CPXM2: variants seen among roughly 807,000 people sequenced by gnomAD.
CPXM2 encodes carboxypeptidase X, M14 family member 2, also known as inactive carboxypeptidase-like protein X2.
CPXM2 carries 66 observed loss-of-function variants against 86.1 expected under a neutral mutation model. The observed-to-expected ratio is 0.77, with a 90% CI of 0.63 to 0.94. CPXM2 has a LOEUF of 0.94. Ranked by LOEUF, CPXM2 falls within the 40% of genes least tolerant of loss-of-function variation. The pLI, the probability that CPXM2 is intolerant of heterozygous loss-of-function variation, is 0.00. For missense variants in CPXM2, 948 were observed against 1,026.3 expected, an observed-to-expected ratio of 0.92 and a Z score of 1.04; for synonymous variants, 388 against 400.2, an observed-to-expected ratio of 0.97 and a Z score of 0.36.
chr10:123,747,317 G>C (rs144820592), intron 13 of CPXM2, among the ~76,000 whole-genome samples: 1 of 152,212 alleles, frequency 6.6e-6, no homozygotes, highest in East Asian at 1.9e-4. Context: ...AGCCATTCAT[G>C]ATGAACTTGA....
At chr10:123,932,929 C>A (rs746633329) in intron 2 of CPXM2, among the ~76,000 whole-genome samples, 2 of 152,176 alleles carry the variant, frequency 1.3e-5, no homozygotes, top group Non-Finnish European at 2.9e-5. Context: ...GCATTGTAAG[C>A]CATAACAACT....
At chr10:123,922,943 C>G (rs543009687) in intron 2 of CPXM2, among the ~76,000 whole-genome samples, 1 of 152,316 alleles carries the variant, frequency 6.6e-6, no homozygotes, top group East Asian at 1.9e-4. Context: ...ACACCTTAAA[C>G]GAGTGAACAG....
At chr10:123,766,467 A>T (rs2063529823) in intron 10 of CPXM2, among the ~76,000 whole-genome samples, 1 of 152,254 alleles carries the variant, frequency 6.6e-6, no homozygotes, top group African/African-American at 2.4e-5. Flanking sequence ...AAAGATAATA[A>T]GAGGTATGGG....
At chr10:123,797,949 G>T in intron 6 of CPXM2, 27 bp downstream of exon 6, 1 of 1,552,580 alleles carries the variant, frequency 6.4e-7, no homozygotes, top group Non-Finnish European at 8.7e-7. Flanking sequence ...CTCCCACCCT[G>T]CAGGAAGCAC....
intron 8 of CPXM2, among the ~76,000 whole-genome samples, chr10:123,769,248 C>T (rs2134004584): frequency 6.6e-6 from 1 of 152,128 alleles, no homozygotes. Flanking sequence ...ATGTATGTGT[C>T]CCCCCAAAAT....
At chr10:123,753,170 A>G (rs930632466) in intron 13 of CPXM2, among the ~76,000 whole-genome samples, 2 of 152,094 alleles carry the variant, frequency 1.3e-5, no homozygotes, top group Admixed American at 6.5e-5. Context: ...GAGGCGCCGC[A>G]GTGATGACCC....
At chr10:123,853,205 G>C in intron 3 of CPXM2, among the ~76,000 whole-genome samples, 1 of 152,174 alleles carries the variant, frequency 6.6e-6, no homozygotes, top group Non-Finnish European at 1.5e-5. Context: ...CGCCATGACT[G>C]TAAGTTTCCT....
intron 4 of CPXM2, among the ~76,000 whole-genome samples, chr10:123,818,973 G>A (rs926016202): frequency 3.3e-5 from 5 of 152,074 alleles, no homozygotes; most frequent in African/African-American, 4.8e-5. Context: ...CTGTTCCCAC[G>A]ACATTACGTT....
In CPXM2 at chr10:123,891,633, T is replaced by A. The variant is rs1204139463; in HGVS notation, c.27A>T (p.Pro9=). 4 of 1,466,188 alleles carry A rather than the reference T, an allele frequency of 2.7e-6. No homozygotes were observed. The highest frequency in any genetic ancestry group is 2.7e-6 in the Non-Finnish European group (3 of 1,108,158). 90.8% of individuals were successfully genotyped at this position (1,466,188 alleles called of 1,614,324 possible). The change falls in exon 1 of 14, where the codon CCA becomes CCT. Residue 9 remains proline, a synonymous_variant. Coordinates refer to ENST00000241305, the MANE Select transcript of CPXM2 (RefSeq NM_198148.3). The surrounding 1 kb of genome is among the most constrained non-coding windows in gnomAD (Gnocchi z 5.6). MSRPGTAT[P]ALALVLLAVT... ...CTGCCAGGAGCACCAGGGCCAGCGCTGGGGTAGCGGTCCCCGGGCGGGACA... is the reference window on the plus strand; with the variant it reads ...CTGCCAGGAGCACCAGGGCCAGCGCAGGGGTAGCGGTCCCCGGGCGGGACA...
intron 7 of CPXM2, among the ~76,000 whole-genome samples, chr10:123,779,672 AAGGGGTAGTGCTAT>A (rs1469777060): frequency 1.3e-5 from 2 of 152,194 alleles, no homozygotes; most frequent in Non-Finnish European, 2.9e-5. Flanking sequence ...ACTGAATAAT[AAGGGGTAGTGCTAT>A]AGTCTCTCAG....
chr10:123,765,846 G>T (rs2133996178), intron 10 of CPXM2, among the ~76,000 whole-genome samples: 1 of 152,354 alleles, frequency 6.6e-6, no homozygotes, highest in African/African-American at 2.4e-5. Flanking sequence ...TGTGCTGGGG[G>T]CTGGAACGCC....
At chr10:123,915,231 A>C (rs1434127863) in intron 2 of CPXM2, among the ~76,000 whole-genome samples, 1 of 152,154 alleles carries the variant, frequency 6.6e-6, no homozygotes, top group Non-Finnish European at 1.5e-5. Flanking sequence ...CCTGCATGGC[A>C]GGGAGATCTC....
intron 4 of CPXM2, among the ~76,000 whole-genome samples, chr10:123,829,132 C>A (rs991809891): frequency 6.6e-6 from 1 of 152,134 alleles, no homozygotes; most frequent in Non-Finnish European, 1.5e-5. Context: ...TTCAACATCG[C>A]TAGCTATTAA....
chr10:123,774,088 T>C (rs184309816), intron 7 of CPXM2, among the ~76,000 whole-genome samples: 2 of 152,200 alleles, frequency 1.3e-5, no homozygotes, highest in Non-Finnish European at 2.9e-5. Flanking sequence ...CACCTGACCA[T>C]GCAGTAAGGG....
At chr10:123,901,918 G>T (rs890404741) in intron 2 of CPXM2, among the ~76,000 whole-genome samples, 1 of 152,134 alleles carries the variant, frequency 6.6e-6, no homozygotes, top group Non-Finnish European at 1.5e-5. Context: ...GGTAAGCGGG[G>T]CTGAATTTTT....
intron 3 of CPXM2, among the ~76,000 whole-genome samples, chr10:123,861,732 G>T (rs112301000): frequency 0.015 from 2,302 of 152,280 alleles, 55 homozygotes; most frequent in African/African-American, 0.052. Flanking sequence ...ACTGAAAAGG[G>T]GAAGAAAATT....
At chr10:123,824,895 A>C (rs1848014222) in intron 4 of CPXM2, among the ~76,000 whole-genome samples, 1 of 152,242 alleles carries the variant, frequency 6.6e-6, no homozygotes, top group African/African-American at 2.4e-5. Flanking sequence ...TCAGGCATTC[A>C]ACTGACTGCC....
At chr10:123,868,305 TG>T (rs1394110720) in intron 2 of CPXM2, among the ~76,000 whole-genome samples, 1 of 152,182 alleles carries the variant, frequency 6.6e-6, no homozygotes, top group Non-Finnish European at 1.5e-5. Context: ...CCAGCCACCA[TG>T]GGGAACTGCT....
rs1945268441 is a variant in CPXM2 at position 123,891,426 on chromosome 10, C to T, written c.234G>A (p.Pro78=). 3 of 1,559,998 alleles carry T rather than the reference C, an allele frequency of 1.9e-6. No individual in the cohort carries two copies. Among genetic ancestry groups the T allele is most frequent in the Non-Finnish European group, 2.6e-6 (3 of 1,151,922 alleles). Residue 78 remains proline (P), a synonymous_variant, in exon 1 of 14, where the codon CCG becomes CCA. Coordinates refer to ENST00000241305, the MANE Select transcript of CPXM2 (RefSeq NM_198148.3). The surrounding 1 kb of genome is among the most constrained non-coding windows in gnomAD (Gnocchi z 5.6). ...TCTTGGGCTTGGTGGCCCTCTTGGGCGGCCTGGGCTCCTGCGGGCGCCGCT... is the reference window on the plus strand; with the variant it reads ...TCTTGGGCTTGGTGGCCCTCTTGGGTGGCCTGGGCTCCTGCGGGCGCCGCT... ...EWERRPQEPR[P]PKRATKPKKA...
Sources: allele counts gnomAD v4.1 joint callset (sites outside exome capture counted in the v4.1 genomes callset), GRCh38; gene constraint gnomAD v4.1.1; non-coding constraint Gnocchi (gnomAD v3.1); transcripts MANE v1.5; gene names NCBI Gene and HGNC (gene_info 2026-07-23, HGNC 2026-07-21).